Variants in FAT2 observed in about 807,000 individuals in gnomAD.
FAT2 encodes protocadherin Fat 2.
FAT2 carries 150 observed loss-of-function variants against 295.3 expected under a neutral mutation model. That is an observed-to-expected ratio of 0.51 (90% CI 0.44 to 0.58). FAT2 has a LOEUF of 0.58. Ranked by LOEUF, FAT2 falls within the 20% of genes least tolerant of loss-of-function variation. The pLI is 0.00. For synonymous variants in FAT2, 2,026 were observed against 2,150.3 expected, an observed-to-expected ratio of 0.94 and a Z score of 1.60; for missense variants, 4,868 against 5,442.7, an observed-to-expected ratio of 0.89 and a Z score of 3.32.
chr5:151,539,392 A>G (rs1350527719), intron 11 of FAT2, among the ~76,000 whole-genome samples: 1 of 152,234 alleles, frequency 6.6e-6, no homozygotes, highest in Non-Finnish European at 1.5e-5. Context: ...ATGCAAATGC[A>G]TATGTAAGTA....
At chr5:151,564,930 G>A (rs1219754399) in intron 2 of FAT2, among the ~76,000 whole-genome samples, 2 of 152,072 alleles carry the variant, frequency 1.3e-5, no homozygotes, top group East Asian at 1.9e-4. Context: ...AAAGTTAGCC[G>A]GGCATGGTGG....
rs1354174711 is a variant in FAT2, at chr5:151,546,429, C to T, written c.4790-92G>A. The T allele has an allele frequency of 2.6e-5, 24 of 938,278 alleles. No individual in the cohort carries two copies. The Admixed American group carries it at 4.1e-4, about 16-fold the overall frequency. 58.1% of individuals were successfully genotyped at this position (938,278 alleles called of 1,614,324 possible). A position where few individuals can be genotyped will look rare whatever the true frequency, so the allele number is the denominator to read the frequency against. ...TCAGTAAAGGGTCTATCACACAAAA[C>T]CTGGACAGAGCAAAATCTGCATATA... On this transcript the variant is annotated intron_variant, in intron 9 of 23. Transcript: ENST00000261800.
chr5:151,507,029 A>G (rs1180947583), intron 23 of FAT2, 125 bp downstream of exon 23: 2 of 793,084 alleles, frequency 2.5e-6, no homozygotes, highest in South Asian at 1.8e-5. Flanking sequence ...ACATCTCATC[A>G]TGTCCCATCC....
In FAT2 at chr5:151,512,298, A is replaced by T. The variant is rs1444762022; in HGVS notation, c.11772T>A (p.Asp3924Glu). The T allele has an allele frequency of 6.2e-7, 1 of 1,614,190 alleles. No homozygotes were observed. The highest frequency in any genetic ancestry group is 8.5e-7 in the Non-Finnish European group (1 of 1,180,040). Residue 3924 changes from aspartate (D) to glutamate (E), a missense_variant, in exon 21 of 24, where the codon GAT (aspartate) becomes GAA (glutamate). Asp to Glu is a conservative substitution (Grantham distance 45). Around this residue, in one of 5 missense-constraint regions of FAT2, gnomAD observed 1,046 missense variants for 1,210.1 expected, o/e 0.86. Transcript: ENST00000261800. This position sits in a 1 kb window ranked among gnomAD's most constrained non-coding sequence, Gnocchi z 4.1. ...DAVVVNEEAL[D>E]LLAPGKTVAG... ...CCACCGTCTTGCCAGGGGCCAGCAGATCTAGAGCCTCTTCGTTGACCACGA... is the reference window on the plus strand; with the variant it reads ...CCACCGTCTTGCCAGGGGCCAGCAGTTCTAGAGCCTCTTCGTTGACCACGA...
rs1316887090 is a variant in FAT2, at chr5:151,531,221, C to G, written c.9811+366G>C. ...AGCCTTGTCCAGGGTTGCTTAAGCCCCAGATTCCAGCAAGGGCTCCCTGCC... is the reference window on the plus strand; with the variant it reads ...AGCCTTGTCCAGGGTTGCTTAAGCCGCAGATTCCAGCAAGGGCTCCCTGCC... On this transcript the variant is annotated intron_variant, in intron 14 of 23. Transcript: ENST00000261800. This position sits in a 1 kb window ranked among gnomAD's most constrained non-coding sequence, Gnocchi z 5.7. Among the ~76,000 whole-genome samples, 1 of 152,134 alleles carries G rather than the reference C, an allele frequency of 6.6e-6. No homozygotes were observed. Among genetic ancestry groups the G allele is most frequent in the South Asian group, 2.1e-4 (1 of 4,830 alleles).
chr5:151,541,218 C>T (rs1756102092), intron 10 of FAT2, among the ~76,000 whole-genome samples: 1 of 152,184 alleles, frequency 6.6e-6, no homozygotes, highest in Non-Finnish European at 1.5e-5. Flanking sequence ...CTAGGGTTTG[C>T]TTGTAAGTCA....
Position 151,543,721 on chromosome 5 carries a change from A to G in FAT2, c.7406T>C (p.Ile2469Thr), listed in dbSNP as rs1324077796. The part of the protein sequence containing the change: ...GVFRATVPVY[I>T]NTTNANKYSP... ...GTACTTGTTGGCATTTGTAGTGTTG[A>G]TGTACACAGGCACAGTTGCTCGGAA... is the stretch of plus-strand genomic sequence containing the variant. Residue 2469 changes from isoleucine (I) to threonine (T), a missense_variant, in exon 10 of 24, where the codon ATC becomes ACC. Transcript: ENST00000261800. 1.9e-6 allele frequency: 3 copies of G among 1,614,162 alleles called. No individual in the cohort carries two copies. Among genetic ancestry groups the G allele is most frequent in the East Asian group, 2.2e-5 (1 of 44,872 alleles).
intron 19 of FAT2, among the ~76,000 whole-genome samples, chr5:151,519,814 T>C (rs1753253870): frequency 6.6e-6 from 1 of 152,188 alleles, no homozygotes; most frequent in Non-Finnish European, 1.5e-5. Context: ...TTATCTAGTA[T>C]TTCTTCAATG....
chr5:151,549,807 T>C (rs1757008827), intron 8 of FAT2, among the ~76,000 whole-genome samples: 1 of 152,180 alleles, frequency 6.6e-6, no homozygotes, highest in African/African-American at 2.4e-5. Context: ...TTCTTCAAGA[T>C]GTTAACATGT....
intron 7 of FAT2, 131 bp downstream of exon 7, chr5:151,551,336 A>G (rs1301480509): frequency 7.3e-6 from 7 of 958,674 alleles, no homozygotes; most frequent in Non-Finnish European, 1.1e-5. Flanking sequence ...TGTATTAGAC[A>G]AGAACTTTGA....
chr5:151,550,951 C>T lies in FAT2; in HGVS notation c.4297-80G>A, dbSNP rs867113145. On this transcript the variant is annotated intron_variant, in intron 7 of 23. Transcript: ENST00000261800. ...TGGGTCTGTCTGGACCTCCCTGTAT[C>T]ACCCAGGCCTAGCACAGTGCCTGGC... The T allele has an allele frequency of 1.3e-4, 170 of 1,329,250 alleles. 4 individuals are homozygous for T. The South Asian group carries it at 1.9e-3, about 15-fold the overall frequency. 82.3% of individuals were successfully genotyped at this position (1,329,250 alleles called of 1,614,324 possible).
rs986086411 is a variant in FAT2, at chr5:151,538,047, G to C, written c.9040-101C>G. On this transcript the variant is annotated intron_variant, in intron 11 of 23. Coordinates refer to ENST00000261800, the MANE Select transcript of FAT2 (RefSeq NM_001447.3). Reference sequence around the variant, plus strand: ...TGAGGGAGGCAGAAGCAGAAAGAGAGACACTAAGAGGGCAGAGACGAAGAG... The same window carrying C: ...TGAGGGAGGCAGAAGCAGAAAGAGACACACTAAGAGGGCAGAGACGAAGAG... 102 of 988,842 alleles carry C rather than the reference G, an allele frequency of 1.0e-4. No homozygotes were observed. In the African/African-American group the frequency reaches 1.5e-3, roughly 15 times the overall value. 61.3% of individuals were successfully genotyped at this position (988,842 alleles called of 1,614,324 possible).
chr5:151,593,604 C>G (rs550005538), upstream of FAT2, among the ~76,000 whole-genome samples: 4 of 152,178 alleles, frequency 2.6e-5, no homozygotes, highest in African/African-American at 9.7e-5. Context: ...CTAAAATTCT[C>G]TCTCTTCCTG....
intron 9 of FAT2, 38 bp downstream of exon 9, chr5:151,549,257 C>T (rs373165992): frequency 3.4e-4 from 548 of 1,593,396 alleles, no homozygotes; most frequent in Non-Finnish European, 4.5e-4. Flanking sequence ...TCTAAAGCAT[C>T]TTGACCCATC....
At position 151,537,633 on chromosome 5, in the gene FAT2, T is replaced by C. The variant is rs76088852; in HGVS notation, c.9193+160A>G. ...CCAAATCTTGTCTTATCAATCTATT[T>C]ATTATGTCCCCAGTACAATGCTTGG... On this transcript the variant is annotated intron_variant, in intron 12 of 23. Coordinates refer to ENST00000261800, the MANE Select transcript of FAT2 (RefSeq NM_001447.3). Among the ~76,000 whole-genome samples, 585 of 152,390 alleles carry C rather than the reference T, an allele frequency of 3.8e-3. 1 individual carries two copies. The highest frequency in any genetic ancestry group is 0.014 in the African/African-American group (563 of 41,596).
At chr5:151,564,337 G>A (rs1244355536) in intron 2 of FAT2, among the ~76,000 whole-genome samples, 1 of 152,222 alleles carries the variant, frequency 6.6e-6, no homozygotes, top group Non-Finnish European at 1.5e-5. Context: ...GCTCAGAGAG[G>A]GAGCACGACT....
intron 1 of FAT2, among the ~76,000 whole-genome samples, chr5:151,590,685 C>G (rs1759363200): frequency 6.6e-6 from 1 of 152,178 alleles, no homozygotes; most frequent in African/African-American, 2.4e-5. Context: ...CGCCAGGTAG[C>G]TTTGTCTGTG....
At chr5:151,565,649 C>A in intron 2 of FAT2, 24 bp downstream of exon 2, 6 of 1,143,800 alleles carry the variant, frequency 5.2e-6, no homozygotes, top group South Asian at 1.4e-5. Context: ...GCCCTGGCAC[C>A]CCACCCTACC....
At position 151,567,310 on chromosome 5, in the gene FAT2, G is replaced by C. The variant is rs1758319404; in HGVS notation, c.1622C>G (p.Pro541Arg). 6.2e-7 allele frequency: 1 copy of C among 1,614,150 alleles called. No homozygotes were observed. The highest frequency in any genetic ancestry group is 1.3e-5 in the African/African-American group (1 of 75,060). ...FRVRASDWGS[P>R]FRREKEVSIF... ...GGACACTTCCTTCTCCCGGCGAAAA[G>C]GGGATCCCCAGTCTGATGCTCTTAC... Residue 541 changes from proline (P) to arginine (R), a missense_variant, in exon 2 of 24, where the codon CCT becomes CGT. Physicochemically the swap from Pro to Arg is moderately radical, Grantham distance 103. This residue lies in a region of FAT2 where 3,297 missense variants were observed against 3,669.4 expected (regional missense o/e 0.90). Transcript: ENST00000261800.
Sources: gnomAD v4.1 joint callset for allele counts (sites outside exome capture counted in the v4.1 genomes callset) on GRCh38, gnomAD v4.1.1 for gene constraint, gnomAD v4.1.1 regional missense constraint, Gnocchi (gnomAD v3.1) non-coding constraint, MANE v1.5 for transcripts, NCBI Gene and HGNC (gene_info 2026-07-23, HGNC 2026-07-21) for gene names.